The following NUMB variants were observed in gnomAD, a reference collection of about 807,000 sequenced individuals.
NUMB encodes the protein protein numb homolog.
In NUMB, 29 loss-of-function variants were observed where a neutral mutation model predicts 59.7. The ratio of observed to expected loss-of-function variants is 0.49; its 90% CI spans 0.36 to 0.66. NUMB has a LOEUF of 0.66. NUMB is among the 30% of genes least tolerant of loss of function. The probability of loss-of-function intolerance (pLI) is 0.00; values close to 1 mark genes in which losing one functional copy is unlikely to be tolerated. For synonymous variants in NUMB, 288 were observed against 288.2 expected (o/e 1.00, Z 0.01); for missense variants, 723 against 822.0 (o/e 0.88, Z 1.47).
intron 2 of NUMB, among the ~76,000 whole-genome samples, chr14:73,369,043 T>C (rs1000041711): frequency 9.9e-6 from 1 of 100,586 alleles, no homozygotes; most frequent in African/African-American, 4.8e-5. Context: ...TAGAACATTT[T>C]CTTTTTTTTT....
chr14:73,349,605 C>A (rs1024408240), intron 4 of NUMB, among the ~76,000 whole-genome samples: 2 of 148,102 alleles, frequency 1.4e-5, no homozygotes, highest in East Asian at 4.0e-4. Flanking sequence ...GGTGGCCAGG[C>A]GCGGTGGCTC....
At chr14:73,357,535 A>T (rs1893863342) in intron 3 of NUMB, among the ~76,000 whole-genome samples, 1 of 151,776 alleles carries the variant, frequency 6.6e-6, no homozygotes, top group Non-Finnish European at 1.5e-5. Flanking sequence ...GAGGCAGGTG[A>T]ATCACGAGGT....
intron 2 of NUMB, among the ~76,000 whole-genome samples, chr14:73,386,117 G>T (rs1431111233): frequency 6.6e-6 from 1 of 151,988 alleles, no homozygotes; most frequent in Non-Finnish European, 1.5e-5. Context: ...AGGGGTGCAA[G>T]CCTCTGGTCT....
intron 2 of NUMB, among the ~76,000 whole-genome samples, chr14:73,406,408 T>TA (rs1896676440): frequency 6.6e-6 from 1 of 152,058 alleles, no homozygotes; most frequent in Non-Finnish European, 1.5e-5. Context: ...TCCATGTCCC[T>TA]ACAAAGGACA....
rs766824655 is a variant in NUMB, at chr14:73,284,047, G to A, written c.949+34C>T. On this transcript the variant is annotated intron_variant, in intron 10 of 12. Coordinates refer to ENST00000555238, the MANE Select transcript of NUMB (RefSeq NM_001005743.2). ...AAGTGATGAGAATGCTTCAGTGCTC[G>A]AGTACCCAGTGAGTCAGGTAGATGC... is the stretch of plus-strand genomic sequence containing the variant. 1.5e-5 allele frequency: 24 copies of A among 1,595,008 alleles called. No homozygotes were observed. The East Asian group carries it at 2.7e-4, about 18-fold the overall frequency.
chr14:73,322,588 A>C (rs1891462483), intron 5 of NUMB, among the ~76,000 whole-genome samples: 1 of 152,104 alleles, frequency 6.6e-6, no homozygotes, highest in African/African-American at 2.4e-5. Context: ...CCAGGAAGCT[A>C]TTTTTTACAG....
At chr14:73,278,128 C>T (rs1888325546) in intron 12 of NUMB, among the ~76,000 whole-genome samples, 1 of 151,010 alleles carries the variant, frequency 6.6e-6, no homozygotes, top group African/African-American at 2.4e-5. Context: ...TCTAACAGAG[C>T]AAAAAGAAAA....
intron 2 of NUMB, among the ~76,000 whole-genome samples, chr14:73,399,949 G>A (rs1304697801): frequency 1.3e-5 from 2 of 152,006 alleles, no homozygotes; most frequent in African/African-American, 2.4e-5. Flanking sequence ...TGAGGCAGGA[G>A]AATCGTTTGA....
chr14:73,419,685 AAACAGAAAGTCCCACCCAAG>A (rs979234771), intron 1 of NUMB, among the ~76,000 whole-genome samples: 8 of 152,224 alleles, frequency 5.3e-5, no homozygotes, highest in South Asian at 2.1e-4. Context: ...ACATCAAAGT[AAACAGAAAGTCCCACCCAAG>A]AACAGAAAGT....
intron 1 of NUMB, among the ~76,000 whole-genome samples, chr14:73,456,452 C>A (rs1438846838): frequency 6.6e-6 from 1 of 152,138 alleles, no homozygotes; most frequent in East Asian, 1.9e-4. Flanking sequence ...TATCCTTTGG[C>A]CAGGAACTCA....
At position 73,367,616 on chromosome 14, in the gene NUMB, A is replaced by G. The variant is rs1337777892; in HGVS notation, c.-100-635T>C. Among the ~76,000 whole-genome samples the G allele has an allele frequency of 7.2e-5, 11 of 151,828 alleles. No homozygotes were observed. In the South Asian group the frequency reaches 1.0e-3, roughly 14 times the overall value. ...TAGGGAAACCTCGCCTCTACAAAAAACTTTAAAAATTAGCCAGGTATGGTG... is the reference window on the plus strand; with the variant it reads ...TAGGGAAACCTCGCCTCTACAAAAAGCTTTAAAAATTAGCCAGGTATGGTG... On this transcript the variant is annotated intron_variant, in intron 2 of 12. Coordinates refer to ENST00000555238, the MANE Select transcript of NUMB (RefSeq NM_001005743.2).
chr14:73,397,882 A>G (rs1896212853), intron 2 of NUMB, among the ~76,000 whole-genome samples: 1 of 146,192 alleles, frequency 6.8e-6, no homozygotes, highest in Non-Finnish European at 1.6e-5. Flanking sequence ...CAAGTCTACT[A>G]CTGCACTCTC....
intron 12 of NUMB, 72 bp downstream of exon 12, chr14:73,279,209 A>C (rs1888431001): frequency 2.6e-6 from 4 of 1,556,622 alleles, no homozygotes. Flanking sequence ...CACTCAGCTA[A>C]CTGGCTGAGT....
intron 4 of NUMB, among the ~76,000 whole-genome samples, chr14:73,348,985 G>A (rs1893057805): frequency 6.6e-6 from 1 of 152,076 alleles, no homozygotes; most frequent in African/African-American, 2.4e-5. Context: ...AGTTCCAAAG[G>A]ACACAGACTA....
Position 73,284,321 on chromosome 14 carries a change from G to T in NUMB, c.709C>A (p.Pro237Thr). 1 of 1,614,054 alleles carries T rather than the reference G, an allele frequency of 6.2e-7. No homozygotes were observed. The highest frequency in any genetic ancestry group is 1.1e-5 in the South Asian group (1 of 91,064). Residue 237 changes from proline (P) to threonine (T), a missense_variant, in exon 10 of 13, where the codon CCA (proline) becomes ACA (threonine). Physicochemically the swap from Pro to Thr is conservative, Grantham distance 38 (BLOSUM62 -1). Transcript: ENST00000555238. Reference sequence around the variant, plus strand: ...GGAGAGGTGGGAGAGGATGGGGATGGGGCAGTGTTGCCAGGGGCAACTGAT... The same window carrying T: ...GGAGAGGTGGGAGAGGATGGGGATGTGGCAGTGTTGCCAGGGGCAACTGAT... ...GSSVAPGNTA[P>T]SPSSPTSPTS...
At chr14:73,357,460 T>A (rs993903232) in intron 3 of NUMB, among the ~76,000 whole-genome samples, 18 of 150,820 alleles carry the variant, frequency 1.2e-4, no homozygotes, top group Non-Finnish European at 2.5e-4. Context: ...TTATATCACA[T>A]TTTAAAAACA....
chr14:73,384,566 A>G (rs553134359), intron 2 of NUMB, among the ~76,000 whole-genome samples: 1 of 152,178 alleles, frequency 6.6e-6, no homozygotes, highest in Admixed American at 6.5e-5. Flanking sequence ...GCATAAAATT[A>G]AAAAACTATA....
chr14:73,349,109 T>C (rs1893063017), intron 4 of NUMB, among the ~76,000 whole-genome samples: 1 of 152,206 alleles, frequency 6.6e-6, no homozygotes, highest in South Asian at 2.1e-4. Flanking sequence ...AATCATACTA[T>C]ATACATAGTT....
intron 9 of NUMB, chr14:73,286,423 A>C (rs1467631048): frequency 6.6e-6 from 1 of 152,268 alleles, no homozygotes; most frequent in African/African-American, 2.4e-5. Context: ...ACAAGAATTC[A>C]AAAGTATTTT....
Sources: allele counts gnomAD v4.1 joint callset (sites outside exome capture counted in the v4.1 genomes callset), GRCh38; gene constraint gnomAD v4.1.1; transcripts MANE v1.5; gene names NCBI Gene and HGNC (gene_info 2026-07-23, HGNC 2026-07-21).